The following ATRNL1 variants were observed in gnomAD, a reference collection of about 807,000 sequenced individuals.
ATRNL1 encodes the protein attractin-like protein 1.
Under a neutral mutation model 182.7 loss-of-function variants are expected in ATRNL1, and 95 were observed. That is an observed-to-expected ratio of 0.52 (90% CI 0.44 to 0.62). The LOEUF (loss-of-function observed/expected upper bound fraction) is 0.62. ATRNL1 is among the 20% of genes least tolerant of loss of function. The probability of loss-of-function intolerance (pLI) is 0.00; values close to 1 mark genes in which losing one functional copy is unlikely to be tolerated. For synonymous variants in ATRNL1, 576 were observed against 568.3 expected, an observed-to-expected ratio of 1.01 and a Z score of -0.19; for missense variants, 1,471 against 1,679.5, an observed-to-expected ratio of 0.88 and a Z score of 2.17.
chr10:115,527,074 A>T (rs574553760), intron 25 of ATRNL1, among the ~76,000 whole-genome samples: 12 of 151,134 alleles, frequency 7.9e-5, no homozygotes, highest in Non-Finnish European at 1.8e-4. Flanking sequence ...AGCTGGGGCC[A>T]CTAGTCAGTT....
At chr10:115,767,077 G>T (rs781857840) in intron 27 of ATRNL1, among the ~76,000 whole-genome samples, 2 of 152,078 alleles carry the variant, frequency 1.3e-5, no homozygotes, top group Non-Finnish European at 2.9e-5. Flanking sequence ...TTTATGACCC[G>T]CTGCTTTATC....
chr10:115,904,639 G>T (rs749435969), intron 28 of ATRNL1, among the ~76,000 whole-genome samples: 1 of 152,166 alleles, frequency 6.6e-6, no homozygotes, highest in African/African-American at 2.4e-5. Flanking sequence ...ATATAGTCAT[G>T]TTTCTAAAAG....
chr10:115,120,948 G>T (rs1362556515), intron 2 of ATRNL1, among the ~76,000 whole-genome samples: 3 of 151,952 alleles, frequency 2.0e-5, no homozygotes, highest in South Asian at 2.1e-4. Flanking sequence ...CCAACTTAAG[G>T]GTTCTGTAAA....
At chr10:115,680,319 G>A (rs971765390) in intron 26 of ATRNL1, among the ~76,000 whole-genome samples, 5 of 152,108 alleles carry the variant, frequency 3.3e-5, no homozygotes, top group Non-Finnish European at 7.4e-5. Flanking sequence ...GCTAACAGAA[G>A]AGCCACATCT....
chr10:115,126,280 G>A (rs905721763), intron 3 of ATRNL1, among the ~76,000 whole-genome samples: 5 of 152,126 alleles, frequency 3.3e-5, no homozygotes, highest in Admixed American at 6.6e-5. Context: ...GGATGTTCCT[G>A]ATCTCTTGAC....
In ATRNL1 at chr10:115,921,861, T is replaced by C. The variant is rs568618623; in HGVS notation, c.4019-22797T>C. 5.9e-5 allele frequency among the ~76,000 whole-genome samples: 9 copies of C among 152,360 alleles called. No homozygotes were observed. In the South Asian group the frequency reaches 1.9e-3, roughly 32 times the overall value. ...TTTGTAACACCACATTTTCAAGTGT[T>C]GGAAAATAAAAACAGATTAACTTAA... On this transcript the variant is annotated intron_variant, in intron 28 of 28. Coordinates refer to ENST00000355044, the MANE Select transcript of ATRNL1 (RefSeq NM_207303.4).
intron 26 of ATRNL1, among the ~76,000 whole-genome samples, chr10:115,642,926 A>G (rs1384112177): frequency 1.3e-5 from 2 of 152,192 alleles, no homozygotes; most frequent in African/African-American, 4.8e-5. Context: ...CTCAGGAAAC[A>G]TTTGGCAATG....
At chr10:115,315,815 A>C in intron 18 of ATRNL1, 79 bp downstream of exon 18, 1 of 1,226,384 alleles carries the variant, frequency 8.2e-7, no homozygotes, top group Non-Finnish European at 1.1e-6. Context: ...ATAATAAAGA[A>C]AATTTAGCTT....
Position 115,521,101 on chromosome 10 carries a change from C to T in ATRNL1, c.3716+1777C>T, listed in dbSNP as rs374561877. 4.6e-5 allele frequency among the ~76,000 whole-genome samples: 7 copies of T among 152,198 alleles called. No homozygotes were observed. The East Asian group carries it at 7.7e-4, about 17-fold the overall frequency. On this transcript the variant is annotated intron_variant, in intron 25 of 28. Coordinates refer to ENST00000355044, the MANE Select transcript of ATRNL1 (RefSeq NM_207303.4). ...TGGTTTTAGAAAGTACTAGAAATTACAGTTGAACAAGCATTATTGAATGCA... is the reference window on the plus strand; with the variant it reads ...TGGTTTTAGAAAGTACTAGAAATTATAGTTGAACAAGCATTATTGAATGCA...
At chr10:115,792,209 C>A (rs1277213715) in intron 27 of ATRNL1, among the ~76,000 whole-genome samples, 1 of 152,042 alleles carries the variant, frequency 6.6e-6, no homozygotes, top group Non-Finnish European at 1.5e-5. Context: ...TTGCAAGTAT[C>A]CTTCATCCTC....
chr10:115,702,324 C>A (rs1381347701), intron 26 of ATRNL1, among the ~76,000 whole-genome samples: 1 of 151,928 alleles, frequency 6.6e-6, no homozygotes, highest in Non-Finnish European at 1.5e-5. Flanking sequence ...ACTGAATGGG[C>A]AAAAGCTGGA....
intron 28 of ATRNL1, among the ~76,000 whole-genome samples, chr10:115,894,670 G>A (rs573472706): frequency 1.2e-4 from 18 of 152,210 alleles, no homozygotes; most frequent in East Asian, 1.9e-4. Flanking sequence ...CAGCAAAATC[G>A]CGGGGTGTCT....
At chr10:115,897,295 G>A (rs987246617) in intron 28 of ATRNL1, among the ~76,000 whole-genome samples, 1 of 152,062 alleles carries the variant, frequency 6.6e-6, no homozygotes, top group Admixed American at 6.5e-5. Flanking sequence ...TCATCTGTTG[G>A]CAGTATCTGA....
chr10:115,838,225 C>T (rs1555096096), intron 27 of ATRNL1, among the ~76,000 whole-genome samples: 1 of 152,180 alleles, frequency 6.6e-6, no homozygotes, highest in African/African-American at 2.4e-5. Context: ...TATTTTCAAA[C>T]TCTATTGTCA....
chr10:115,554,884 T>A (rs2133821411), intron 26 of ATRNL1, among the ~76,000 whole-genome samples: 1 of 151,872 alleles, frequency 6.6e-6, no homozygotes, highest in South Asian at 2.1e-4. Context: ...TATGCTATTA[T>A]CTTTATATTT....
At chr10:115,655,426 T>A (rs1419635995) in intron 26 of ATRNL1, among the ~76,000 whole-genome samples, 1 of 152,210 alleles carries the variant, frequency 6.6e-6, no homozygotes, top group Non-Finnish European at 1.5e-5. Flanking sequence ...ATTAAGGTTA[T>A]TTTTTCTTCA....
intron 27 of ATRNL1, among the ~76,000 whole-genome samples, chr10:115,837,663 T>C (rs1555095916): frequency 6.6e-6 from 1 of 152,192 alleles, no homozygotes; most frequent in Non-Finnish European, 1.5e-5. Context: ...ACACTAGCAT[T>C]GATCAATTAT....
At chr10:115,565,751 T>A (rs1854039277) in intron 26 of ATRNL1, among the ~76,000 whole-genome samples, 1 of 152,116 alleles carries the variant, frequency 6.6e-6, no homozygotes, top group Non-Finnish European at 1.5e-5. Context: ...TAAAAGTCGT[T>A]ATATATTTTG....
At chr10:115,290,280 G>A (rs1852831832) in intron 15 of ATRNL1, among the ~76,000 whole-genome samples, 1 of 152,138 alleles carries the variant, frequency 6.6e-6, no homozygotes, top group Non-Finnish European at 1.5e-5. Flanking sequence ...TTGAAGTGGT[G>A]TCATTCCTCT....
Sources: gnomAD v4.1 joint callset for allele counts (sites outside exome capture counted in the v4.1 genomes callset) on GRCh38, gnomAD v4.1.1 for gene constraint, MANE v1.5 for transcripts, NCBI Gene and HGNC (gene_info 2026-07-23, HGNC 2026-07-21) for gene names.